The following GRIN2B variants were observed in gnomAD, a reference collection of about 807,000 sequenced individuals.
GRIN2B encodes the protein glutamate receptor ionotropic, NMDA 2B.
In GRIN2B, 5 loss-of-function variants were observed where a neutral mutation model predicts 114.5. The ratio of observed to expected loss-of-function variants is 0.04; its 90% CI spans 0.02 to 0.09. The LOEUF is 0.09. Ranked by LOEUF, GRIN2B falls within the 10% of genes least tolerant of loss-of-function variation. GRIN2B has a pLI of 1.00. For synonymous variants in GRIN2B, 787 were observed against 745.1 expected (o/e 1.06, Z -0.92); for missense variants, 1,108 against 1,943.5 (o/e 0.57, Z 8.08).
intron 4 of GRIN2B, among the ~76,000 whole-genome samples, chr12:13,694,001 G>C (rs1299073533): frequency 6.6e-6 from 1 of 152,124 alleles, no homozygotes; most frequent in East Asian, 1.9e-4. Context: ...GGGGAACTAG[G>C]AAGAAAGAGA....
chr12:13,902,689 T>C (rs1866471711), intron 2 of GRIN2B, among the ~76,000 whole-genome samples: 1 of 152,098 alleles, frequency 6.6e-6, no homozygotes, highest in African/African-American at 2.4e-5. Context: ...CCTGCGCCTG[T>C]AATCTCACCT....
chr12:13,844,603 T>C (rs1865438848), intron 3 of GRIN2B, among the ~76,000 whole-genome samples: 1 of 152,182 alleles, frequency 6.6e-6, no homozygotes, highest in African/African-American at 2.4e-5. Context: ...ATGGTTCTCT[T>C]CTCTTGCAGC....
At chr12:13,768,129 T>C (rs1863833722) in intron 3 of GRIN2B, among the ~76,000 whole-genome samples, 1 of 152,240 alleles carries the variant, frequency 6.6e-6, no homozygotes, top group African/African-American at 2.4e-5. Flanking sequence ...TTAGTTAAGC[T>C]TCCTTCTTTG....
intron 5 of GRIN2B, among the ~76,000 whole-genome samples, chr12:13,619,072 G>A (rs1949484203): frequency 6.6e-6 from 1 of 152,118 alleles, no homozygotes; most frequent in African/African-American, 2.4e-5. Context: ...CTTAGAAGCG[G>A]CCTGGGTAGT....
intron 4 of GRIN2B, among the ~76,000 whole-genome samples, chr12:13,680,310 T>A (rs1309591140): frequency 2.6e-5 from 4 of 152,132 alleles, no homozygotes; most frequent in African/African-American, 9.7e-5. Flanking sequence ...AGAGATGCCA[T>A]AGCTATTCTA....
intron 4 of GRIN2B, among the ~76,000 whole-genome samples, chr12:13,740,693 A>C (rs1208662961): frequency 6.6e-6 from 1 of 152,210 alleles, no homozygotes; most frequent in Non-Finnish European, 1.5e-5. Context: ...GAACCTTGGC[A>C]GGTTGTAGAC....
Position 13,545,882 on chromosome 12 carries a change from A to G in GRIN2B, c.*16901T>C, listed in dbSNP as rs955865756. ...ATCTACTACCCGCCAGTAATATTTT[A>G]TAGCTTAGAAGATCATGTCTGAGTC... On this transcript the variant is annotated 3_prime_UTR_variant, in exon 14 of 14. Transcript: ENST00000609686. 6.6e-6 allele frequency: 1 copy of G among 152,186 alleles called. No individual in the cohort carries two copies. Among genetic ancestry groups the G allele is most frequent in the African/African-American group, 2.4e-5 (1 of 41,432 alleles). 9.4% of individuals were successfully genotyped at this position (152,186 alleles called of 1,614,324 possible).
At chr12:13,678,551 G>A (rs575296705) in intron 4 of GRIN2B, among the ~76,000 whole-genome samples, 4 of 152,110 alleles carry the variant, frequency 2.6e-5, no homozygotes, top group South Asian at 2.1e-4. Context: ...CCATGGCTTC[G>A]TGTTTTCTAC....
chr12:13,852,091 C>G (rs1865575382), intron 3 of GRIN2B, among the ~76,000 whole-genome samples: 1 of 152,180 alleles, frequency 6.6e-6, no homozygotes, highest in Non-Finnish European at 1.5e-5. Flanking sequence ...CAGAAGGCAC[C>G]CAAGACACGT....
chr12:13,958,575 T>C (rs1317926466), intron 2 of GRIN2B, among the ~76,000 whole-genome samples: 1 of 152,238 alleles, frequency 6.6e-6, no homozygotes, highest in Admixed American at 6.5e-5. Flanking sequence ...AGGTTCTCAT[T>C]AGCAGATGCC....
At chr12:13,805,568 T>C (rs1864586779) in intron 3 of GRIN2B, among the ~76,000 whole-genome samples, 1 of 152,146 alleles carries the variant, frequency 6.6e-6, no homozygotes, top group African/African-American at 2.4e-5. Context: ...TTATTAAAAG[T>C]CAACAAATAT....
Position 13,921,895 on chromosome 12 carries a change from T to C in GRIN2B, c.-18-55669A>G, listed in dbSNP as rs182433766. Among the ~76,000 whole-genome samples the C allele has an allele frequency of 9.1e-4, 138 of 152,252 alleles. 3 individuals carry two copies. The South Asian group carries it at 0.016, about 17-fold the overall frequency. The stretch of plus-strand genomic sequence containing the variant: ...GGATAGATGGATAGGCAGATAAGTA[T>C]GTACCAAGCACAAGTGGCAACAGAG... On this transcript the variant is annotated intron_variant, in intron 2 of 13. Transcript: ENST00000609686.
chr12:13,686,549 T>C (rs972079961), intron 4 of GRIN2B, among the ~76,000 whole-genome samples: 2 of 152,168 alleles, frequency 1.3e-5, no homozygotes, highest in Admixed American at 6.6e-5. Flanking sequence ...TGTGCATTTA[T>C]ACCATTAACT....
At chr12:13,899,936 A>G (rs1041311181) in intron 2 of GRIN2B, among the ~76,000 whole-genome samples, 1 of 152,162 alleles carries the variant, frequency 6.6e-6, no homozygotes, top group Non-Finnish European at 1.5e-5. Context: ...ATATCCTACC[A>G]GCTCCCCTAA....
At chr12:13,967,627 G>A (rs1451982514) in intron 2 of GRIN2B, among the ~76,000 whole-genome samples, 2 of 152,146 alleles carry the variant, frequency 1.3e-5, no homozygotes, top group Non-Finnish European at 2.9e-5. Context: ...ATTCTGTTAG[G>A]CACACACCAG....
intron 4 of GRIN2B, among the ~76,000 whole-genome samples, chr12:13,728,304 T>C (rs1863026241): frequency 6.6e-6 from 1 of 152,132 alleles, no homozygotes; most frequent in Non-Finnish European, 1.5e-5. Flanking sequence ...AATAAACTTT[T>C]AGGGAGAAGA....
intron 2 of GRIN2B, among the ~76,000 whole-genome samples, chr12:13,977,096 A>G (rs1298354140): frequency 6.6e-6 from 1 of 152,216 alleles, no homozygotes; most frequent in Non-Finnish European, 1.5e-5. Context: ...CGCTCTTCTC[A>G]ATCAGCCTTA....
chr12:13,854,148 T>C (rs1353315284), intron 3 of GRIN2B, among the ~76,000 whole-genome samples: 3 of 152,208 alleles, frequency 2.0e-5, no homozygotes, highest in African/African-American at 4.8e-5. Flanking sequence ...AGAGGAGATG[T>C]ACCACTTGGG....
rs1218592965 is a variant in GRIN2B at position 13,557,084 on chromosome 12, C to T, written c.*5699G>A. The T allele has an allele frequency of 6.6e-6, 1 of 152,134 alleles. No homozygotes were observed. Among genetic ancestry groups the T allele is most frequent in the African/African-American group, 2.4e-5 (1 of 41,416 alleles). 9.4% of individuals were successfully genotyped at this position (152,134 alleles called of 1,614,324 possible). A position where few individuals can be genotyped will look rare whatever the true frequency, so the allele number is the denominator to read the frequency against. ...AATAGATAGGCTATCTCTTCTAAGT[C>T]ATAGAGCTCACAGGGCCACTGTGTG... On this transcript the variant is annotated 3_prime_UTR_variant, in exon 14 of 14. Transcript: ENST00000609686.
Sources: allele counts gnomAD v4.1 joint callset (sites outside exome capture counted in the v4.1 genomes callset), GRCh38; gene constraint gnomAD v4.1.1; transcripts MANE v1.5; gene names NCBI Gene and HGNC (gene_info 2026-07-23, HGNC 2026-07-21).